PFKFB4: variants seen among roughly 807,000 people sequenced by gnomAD.
PFKFB4 encodes 6-phosphofructo-2-kinase/fructose-2,6-biphosphatase 4.
In PFKFB4, 42 loss-of-function variants were observed where a neutral mutation model predicts 62.8. That is an observed-to-expected ratio of 0.67 (90% confidence interval 0.52 to 0.86). The LOEUF (loss-of-function observed/expected upper bound fraction) is 0.86. PFKFB4 is among the 40% of genes least tolerant of loss of function. The pLI is 0.00. For missense variants in PFKFB4, 475 were observed against 627.2 expected, an observed-to-expected ratio of 0.76 and a Z score of 2.59; for synonymous variants, 204 against 240.7, an observed-to-expected ratio of 0.85 and a Z score of 1.41.
chr3:48,531,700 G>T (rs2042433813), intron 9 of PFKFB4, among the ~76,000 whole-genome samples: 1 of 152,002 alleles, frequency 6.6e-6, no homozygotes, highest in South Asian at 2.1e-4. Context: ...GGCTAAGATG[G>T]GAGGATTACT....
chr3:48,522,079 C>T, intron 12 of PFKFB4, 29 bp from the exon 13 acceptor site: 1 of 1,607,952 alleles, frequency 6.2e-7, no homozygotes, highest in Non-Finnish European at 8.5e-7. Context: ...AAATCCATCC[C>T]CACTCCTGAA....
rs1172459866 is a variant in PFKFB4 at position 48,536,446 on chromosome 3, T to C, written c.650A>G (p.Lys217Arg). Reference sequence around the variant, plus strand: ...GTAGCTCTGGCCCACATCCATGATCTTGATATAGGACAGGTCCCTGTCCAG... The same window carrying C: ...GTAGCTCTGGCCCACATCCATGATCCTGATATAGGACAGGTCCCTGTCCAG... ...EDLDRDLSYIKIMDVGQSYVV... is the reference protein window; with the variant it reads ...EDLDRDLSYIRIMDVGQSYVV... The change falls in exon 8 of 14, where the codon AAG becomes AGG. Residue 217 changes from lysine to arginine, a missense_variant. Lys to Arg is a conservative substitution (Grantham distance 26). Transcript: ENST00000232375. 1.2e-6 allele frequency: 2 copies of C among 1,613,582 alleles called. No individual in the cohort carries two copies.
At chr3:48,526,177 G>C (rs1156931599) in intron 9 of PFKFB4, 1 of 151,350 alleles carries the variant, frequency 6.6e-6, no homozygotes, top group East Asian at 1.9e-4. Flanking sequence ...GGCCAACATG[G>C]TGGAGGAGGC....
At chr3:48,533,604 T>C (rs2042497395) in intron 9 of PFKFB4, among the ~76,000 whole-genome samples, 2 of 152,166 alleles carry the variant, frequency 1.3e-5, no homozygotes, top group Non-Finnish European at 2.9e-5. Context: ...CCTGTAATCC[T>C]AGAACTTTGG....
At chr3:48,528,522 G>C (rs977087738) in intron 9 of PFKFB4, among the ~76,000 whole-genome samples, 2 of 152,086 alleles carry the variant, frequency 1.3e-5, no homozygotes, top group African/African-American at 2.4e-5. Flanking sequence ...AATTAGCTGG[G>C]TGTGGTGGCG....
chr3:48,521,954 C>G lies in PFKFB4; in HGVS notation c.1350+32G>C. The G allele has an allele frequency of 1.3e-6, 2 of 1,597,532 alleles. No individual in the cohort carries two copies. Among genetic ancestry groups the G allele is most frequent in the Non-Finnish European group, 1.7e-6 (2 of 1,164,876 alleles). Reference sequence around the variant, plus strand: ...TCTGGACACCCCCACATCAGGAACACCCCGCTACCCCAGCAGTGACCCCAT... The same window carrying G: ...TCTGGACACCCCCACATCAGGAACAGCCCGCTACCCCAGCAGTGACCCCAT... On this transcript the variant is annotated intron_variant, in intron 13 of 13. Transcript: ENST00000232375. The surrounding 1 kb of genome is among the most constrained non-coding windows in gnomAD (Gnocchi z 5.3).
chr3:48,536,695 A>C, intron 7 of PFKFB4: 1 of 530,708 alleles, frequency 1.9e-6, no homozygotes, highest in Non-Finnish European at 3.4e-6. Context: ...GGTGCTCGTC[A>C]CTCATCATGC....
rs557981060 is a variant in PFKFB4, at chr3:48,519,750, C to A, written c.1407G>T (p.Gln469His). Residue 469 changes from glutamine (Q) to histidine (H), a missense_variant, in exon 14 of 14, where the codon CAG (glutamine) becomes CAT (histidine). Gln to His is a conservative substitution (Grantham distance 24). Coordinates refer to ENST00000232375, the MANE Select transcript of PFKFB4 (RefSeq NM_004567.4). The stretch of plus-strand genomic sequence containing the variant: ...TGGTCACAGTGGATGAACATGGTCA[C>A]TGGTGAGCAGGCACCGTGACAAGGG... ...EEALVTVPAH[Q>H] 1 of 1,612,900 alleles carries A rather than the reference C, an allele frequency of 6.2e-7. No individual in the cohort carries two copies. Among genetic ancestry groups the A allele is most frequent in the South Asian group, 1.1e-5 (1 of 91,048 alleles).
chr3:48,538,833 A>T (rs925965018), intron 6 of PFKFB4, among the ~76,000 whole-genome samples: 2 of 152,152 alleles, frequency 1.3e-5, no homozygotes, highest in Non-Finnish European at 2.9e-5. Flanking sequence ...GGGTCCAGGG[A>T]TTGAAGTCCC....
chr3:48,531,860 C>T (rs999080434), intron 9 of PFKFB4, among the ~76,000 whole-genome samples: 1 of 152,094 alleles, frequency 6.6e-6, no homozygotes. Context: ...TGCAATACCA[C>T]ACCCATTAGG....
intron 3 of PFKFB4, among the ~76,000 whole-genome samples, chr3:48,545,636 GT>G (rs371126898): frequency 3.7e-4 from 52 of 141,700 alleles, no homozygotes; most frequent in Middle Eastern, 3.7e-3. Context: ...TCTTTCTTTT[GT>G]TTTTTTTTTT....
chr3:48,559,308 G>A (rs75706428), upstream of PFKFB4, among the ~76,000 whole-genome samples: 15 of 152,326 alleles, frequency 9.8e-5, no homozygotes, highest in East Asian at 1.2e-3. Flanking sequence ...CAAGGCCACC[G>A]TCCACATCTG....
At chr3:48,539,202 G>C in intron 6 of PFKFB4, 52 bp downstream of exon 6, 2 of 1,406,078 alleles carry the variant, frequency 1.4e-6, no homozygotes, top group Non-Finnish European at 2.0e-6. Flanking sequence ...AACCTGAAAA[G>C]GGATGTCCCT....
chr3:48,559,853 C>T (rs1250631407), upstream of PFKFB4: 1 of 340,684 alleles, frequency 2.9e-6, no homozygotes, highest in Non-Finnish European at 5.8e-6. Context: ...CTTCCCAGTC[C>T]CTGTATCTAC....
chr3:48,550,201 A>G lies in PFKFB4; in HGVS notation c.131T>C (p.Met44Thr), dbSNP rs146129105. ...CMTNCPTLIV[M>T]VGLPARGKTY... ...CTTGCCCCTGGCGGGCAGGCCCACC[A>G]TGACAATGAGAGTTGGGCAGTTGGT... Residue 44 changes from methionine (M) to threonine (T), a missense_variant, in exon 2 of 14, where the codon ATG becomes ACG. Coordinates refer to ENST00000232375, the MANE Select transcript of PFKFB4 (RefSeq NM_004567.4). 192 of 1,614,010 alleles carry G rather than the reference A, an allele frequency of 1.2e-4. 1 individual carries two copies. Among genetic ancestry groups the G allele is most frequent in the Non-Finnish European group, 1.6e-4 (190 of 1,179,948 alleles).
chr3:48,539,699 T>C lies in PFKFB4; in HGVS notation c.451A>G (p.Lys151Glu). The C allele has an allele frequency of 8.1e-6, 13 of 1,613,520 alleles. No individual in the cohort carries two copies. Among genetic ancestry groups the C allele is most frequent in the Non-Finnish European group, 1.0e-5 (12 of 1,179,484 alleles). Reference sequence around the variant, plus strand: ...GAGAGGAGCCAAGGAGGCCTCACCTTGTAGCCATTCTGTTCTCCAAAATTA... The same window carrying C: ...GAGAGGAGCCAAGGAGGCCTCACCTCGTAGCCATTCTGTTCTCCAAAATTA... ...IFNFGEQNGY[K>E]TFFVESICVD... Residue 151 changes from lysine to glutamate, a missense_variant and splice_region_variant, in exon 5 of 14, where the codon AAG (lysine) becomes GAG (glutamate). By Grantham distance (56) the Lys-to-Glu change is moderately conservative. Coordinates refer to ENST00000232375, the MANE Select transcript of PFKFB4 (RefSeq NM_004567.4).
intron 1 of PFKFB4, among the ~76,000 whole-genome samples, chr3:48,554,773 T>TCAC (rs2043260451): frequency 6.6e-6 from 1 of 152,170 alleles, no homozygotes; most frequent in South Asian, 2.1e-4. Flanking sequence ...CAGACTTGGC[T>TCAC]AGGCATGGCA....
intron 10 of PFKFB4, among the ~76,000 whole-genome samples, chr3:48,524,941 T>C (rs576928331): frequency 7.9e-5 from 12 of 152,096 alleles, no homozygotes; most frequent in Middle Eastern, 3.4e-3. Context: ...AGCCAACTCA[T>C]GTGTGGAAGG....
intron 3 of PFKFB4, among the ~76,000 whole-genome samples, chr3:48,544,122 G>A (rs545438340): frequency 1.3e-5 from 2 of 150,836 alleles, no homozygotes; most frequent in South Asian, 2.1e-4. Flanking sequence ...AGCAATTTTC[G>A]TGCCTCAGCC....
Sources: gnomAD v4.1 joint callset for allele counts (sites outside exome capture counted in the v4.1 genomes callset) on GRCh38, gnomAD v4.1.1 for gene constraint, Gnocchi (gnomAD v3.1) non-coding constraint, MANE v1.5 for transcripts, NCBI Gene and HGNC (gene_info 2026-07-23, HGNC 2026-07-21) for gene names.